Variants in ETV3 observed in about 807,000 individuals in gnomAD.
ETV3 encodes ETS variant transcription factor 3.
Under a neutral mutation model 33.0 loss-of-function variants are expected in ETV3, and 8 were observed. That is an observed-to-expected ratio of 0.24 (90% confidence interval 0.14 to 0.44). The LOEUF (loss-of-function observed/expected upper bound fraction) is 0.44. ETV3 is among the 20% of genes least tolerant of loss of function. The pLI, the probability that ETV3 is intolerant of heterozygous loss-of-function variation, is 1.00. For synonymous variants in ETV3, 222 were observed against 238.9 expected (o/e 0.93, Z 0.65); for missense variants, 473 against 652.3 (o/e 0.73, Z 2.99).
chr1:157,127,016 C>G (rs1221903990), intron 4 of ETV3, among the ~76,000 whole-genome samples: 2 of 151,366 alleles, frequency 1.3e-5, no homozygotes, highest in African/African-American at 4.9e-5. Flanking sequence ...GCAGAGCTGC[C>G]CTGGCTGACT....
chr1:157,134,097 G>A lies in ETV3; in HGVS notation c.400+15C>T, dbSNP rs772147809. On this transcript the variant is annotated intron_variant, in intron 4 of 4. Coordinates refer to ENST00000368192, the MANE Select transcript of ETV3 (RefSeq NM_001145312.3). ...ATTCAAAATTAATTCCCTACCAAAA[G>A]AGTTTGTATCTTACCACTTGACCGA... The A allele has an allele frequency of 3.7e-6, 6 of 1,604,422 alleles. No homozygotes were observed. In the Admixed American group the frequency reaches 1.0e-4, roughly 28 times the overall value.
intron 4 of ETV3, chr1:157,133,829 A>T (rs1178320657): frequency 8.4e-7 from 1 of 1,184,740 alleles, no homozygotes; most frequent in East Asian, 4.4e-5. Context: ...CCTATGAAAC[A>T]TCATTCCCAA....
In ETV3 at chr1:157,121,315, A is replaced by G. The variant is rs1171739825; in HGVS notation, c.*3526T>C. ...ATATGTATATTATACATATATTTCTATAACATTACATCATATATATATAAT... is the reference window on the plus strand; with the variant it reads ...ATATGTATATTATACATATATTTCTGTAACATTACATCATATATATATAAT... On this transcript the variant is annotated 3_prime_UTR_variant, in exon 5 of 5. Coordinates refer to ENST00000368192, the MANE Select transcript of ETV3 (RefSeq NM_001145312.3). The G allele has an allele frequency of 1.3e-5, 2 of 151,814 alleles. No homozygotes were observed. Among genetic ancestry groups the G allele is most frequent in the Non-Finnish European group, 2.9e-5 (2 of 67,970 alleles). The allele number at this position is 151,814 out of a possible 1,614,324, so 9.4% of individuals were successfully genotyped here.
chr1:157,136,111 T>G (rs114308630), intron 2 of ETV3, among the ~76,000 whole-genome samples, 196 bp downstream of exon 2: 1 of 152,180 alleles, frequency 6.6e-6, no homozygotes, highest in African/African-American at 2.4e-5. Context: ...CTCTAAAGCT[T>G]AGGATATGGG....
intron 1 of ETV3, among the ~76,000 whole-genome samples, chr1:157,136,636 T>C (rs1280936883): frequency 6.6e-6 from 1 of 152,124 alleles, no homozygotes; most frequent in Non-Finnish European, 1.5e-5. Context: ...GTTTTCCTCC[T>C]CCTGACCAAC....
Position 157,124,795 on chromosome 1 carries a change from T to C in ETV3, c.*46A>G, listed in dbSNP as rs1025551620. ...TGAAATCTTGCTACATAAATACATGTATGTATTTGATTATAGTATAAACAG... is the reference window on the plus strand; with the variant it reads ...TGAAATCTTGCTACATAAATACATGCATGTATTTGATTATAGTATAAACAG... On this transcript the variant is annotated 3_prime_UTR_variant, in exon 5 of 5. Coordinates refer to ENST00000368192, the MANE Select transcript of ETV3 (RefSeq NM_001145312.3). 7 of 667,182 alleles carry C rather than the reference T, an allele frequency of 1.0e-5. No individual in the cohort carries two copies. The African/African-American group carries it at 1.5e-4, about 14-fold the overall frequency. 41.3% of individuals were successfully genotyped at this position (667,182 alleles called of 1,614,324 possible). A position where few individuals can be genotyped will look rare whatever the true frequency, so the allele number is the denominator to read the frequency against.
At chr1:157,127,498 T>C (rs1674869508) in intron 4 of ETV3, among the ~76,000 whole-genome samples, 1 of 152,056 alleles carries the variant, frequency 6.6e-6, no homozygotes, top group African/African-American at 2.4e-5. Context: ...CTTACTAAAA[T>C]GTAAAGCTCT....
At chr1:157,131,104 CCTT>C (rs1232219542) in intron 4 of ETV3, among the ~76,000 whole-genome samples, 1 of 152,156 alleles carries the variant, frequency 6.6e-6, no homozygotes, top group South Asian at 2.1e-4. Context: ...TGTTTACTGT[CCTT>C]CTTCCAGTAT....
Position 157,134,136 on chromosome 1 carries a change from G to C in ETV3, c.376C>G (p.Pro126Ala). ...CCACTTGACCGAATGTTGATGAATGGGTAGTTGGGCATCACCAGCTTGTTG... is the reference window on the plus strand; with the variant it reads ...CCACTTGACCGAATGTTGATGAATGCGTAGTTGGGCATCACCAGCTTGTTG... ...NFNKLVMPNY[P>A]FINIRSSGVV... The change falls in exon 4 of 5, where the codon CCA (proline) becomes GCA (alanine). Residue 126 changes from proline to alanine, a missense_variant. Pro to Ala is a conservative substitution (Grantham distance 27, BLOSUM62 -1). This residue lies in a region of ETV3 where 410 missense variants were observed against 520.2 expected (regional missense o/e 0.79). Transcript: ENST00000368192. The C allele has an allele frequency of 2.5e-6, 4 of 1,613,882 alleles. No homozygotes were observed. The highest frequency in any genetic ancestry group is 3.4e-6 in the Non-Finnish European group (4 of 1,179,890).
At chr1:157,132,139 G>T (rs541633199) in intron 4 of ETV3, among the ~76,000 whole-genome samples, 66 of 152,186 alleles carry the variant, frequency 4.3e-4, no homozygotes, top group Non-Finnish European at 8.4e-4. Flanking sequence ...TAGACATGGG[G>T]GTTTCCCCAT....
intron 2 of ETV3, among the ~76,000 whole-genome samples, chr1:157,136,065 C>A (rs1675101906): frequency 6.6e-6 from 1 of 152,122 alleles, no homozygotes; most frequent in South Asian, 2.1e-4. Context: ...ACTCCTTTTC[C>A]CTAAGGTTGG....
In ETV3 at chr1:157,124,784, A is replaced by C; in HGVS notation, c.*57T>G. 8 of 783,682 alleles carry C rather than the reference A, an allele frequency of 1.0e-5. No homozygotes were observed. The highest frequency in any genetic ancestry group is 1.3e-5 in the Non-Finnish European group (8 of 609,074). The allele number at this position is 783,682 out of a possible 1,614,324, so 48.5% of individuals were successfully genotyped here. A position where few individuals can be genotyped will look rare whatever the true frequency, so the allele number is the denominator to read the frequency against. On this transcript the variant is annotated 3_prime_UTR_variant, in exon 5 of 5. Transcript: ENST00000368192. ...CCCCCCCACCCTGAAATCTTGCTAC[A>C]TAAATACATGTATGTATTTGATTAT...
intron 1 of ETV3, among the ~76,000 whole-genome samples, 175 bp downstream of exon 1, chr1:157,138,141 T>C (rs1358150114): frequency 6.6e-6 from 1 of 152,166 alleles, no homozygotes. Flanking sequence ...CCTGGGTCCC[T>C]GTCGCCCCTC....
rs1674798755 is a variant in ETV3 at position 157,125,151 on chromosome 1, A to G, written c.1229T>C (p.Val410Ala). The G allele has an allele frequency of 1.3e-6, 2 of 1,551,624 alleles. No individual in the cohort carries two copies. Among genetic ancestry groups the G allele is most frequent in the Non-Finnish European group, 1.7e-6 (2 of 1,146,882 alleles). The change falls in exon 5 of 5, where the codon GTG becomes GCG. Residue 410 changes from valine to alanine, a missense_variant. By Grantham distance (64) the Val-to-Ala change is moderately conservative. This residue lies in a region of ETV3 where 410 missense variants were observed against 520.2 expected (regional missense o/e 0.79). Coordinates refer to ENST00000368192, the MANE Select transcript of ETV3 (RefSeq NM_001145312.3). The surrounding 1 kb of genome is among the most constrained non-coding windows in gnomAD (Gnocchi z 4.0). ...TTCCTCTTCAATGGTCCTGCTTGGC[A>G]CAGTGCCCTCTTCTTGAGTGTGCTC... ...KEEHTQEEGT[V>A]PSRTIEEEKG...
chr1:157,135,301 G>T, intron 3 of ETV3, 170 bp downstream of exon 3: 1 of 770,450 alleles, frequency 1.3e-6, no homozygotes, highest in Non-Finnish European at 2.1e-6. Flanking sequence ...CTCCTCCTGT[G>T]CCTATGCTAC....
chr1:157,127,738 G>C (rs1490872699), intron 4 of ETV3, among the ~76,000 whole-genome samples: 1 of 151,942 alleles, frequency 6.6e-6, no homozygotes, highest in Non-Finnish European at 1.5e-5. Context: ...GTAGAGACTG[G>C]GTTTCACCAT....
In ETV3 at chr1:157,122,045, T is replaced by C. The variant is rs151032597; in HGVS notation, c.*2796A>G. ...AAGCTCTTGATTAAGGAAATTTCAA[T>C]AGATTCATATTTATAAAATTTTAAA... On this transcript the variant is annotated 3_prime_UTR_variant, in exon 5 of 5. Transcript: ENST00000368192. 74 of 152,326 alleles carry C rather than the reference T, an allele frequency of 4.9e-4. No homozygotes were observed. Among genetic ancestry groups the C allele is most frequent in the African/African-American group, 1.5e-3 (64 of 41,574 alleles). The allele number at this position is 152,326 out of a possible 1,614,324, so 9.4% of individuals were successfully genotyped here.
chr1:157,131,084 G>A (rs1487475361), intron 4 of ETV3, among the ~76,000 whole-genome samples: 1 of 152,166 alleles, frequency 6.6e-6, no homozygotes, highest in Non-Finnish European at 1.5e-5. Flanking sequence ...CTAGATAAAG[G>A]ATATATGGGT....
In ETV3 at chr1:157,125,179, CCTT is replaced by C; in HGVS notation, c.1198_1200del (p.Lys400del). 4.5e-6 allele frequency: 7 copies of C among 1,552,108 alleles called. No individual in the cohort carries two copies. Among genetic ancestry groups the C allele is most frequent in the Non-Finnish European group, 6.1e-6 (7 of 1,147,068 alleles). The stretch of plus-strand genomic sequence containing the variant: ...GTGCCCTCTTCTTGAGTGTGCTCCT[CCTT>C]CTCTCGTGCCGACTGCCTGAGGCTC... On this transcript the variant is annotated inframe_deletion, in exon 5 of 5. Transcript: ENST00000368192. This position sits in a 1 kb window ranked among gnomAD's most constrained non-coding sequence, Gnocchi z 4.0.
Sources: gnomAD v4.1 joint callset for allele counts (sites outside exome capture counted in the v4.1 genomes callset) on GRCh38, gnomAD v4.1.1 for gene constraint, gnomAD v4.1.1 regional missense constraint, Gnocchi (gnomAD v3.1) non-coding constraint, MANE v1.5 for transcripts, NCBI Gene and HGNC (gene_info 2026-07-23, HGNC 2026-07-21) for gene names.